The following TNFSF4 variants were observed in gnomAD, a reference collection of about 807,000 sequenced individuals.
TNFSF4 encodes the protein TNF superfamily member 4, also known as tumor necrosis factor ligand superfamily member 4.
A neutral mutation model predicts 7.3 loss-of-function variants in TNFSF4; 4 were observed. That is an observed-to-expected ratio of 0.55 (90% CI 0.27 to 1.25). The LOEUF is 1.25. Ranked by LOEUF, TNFSF4 falls within the 50% of genes most tolerant of loss-of-function variation. The pLI, the probability that TNFSF4 is intolerant of heterozygous loss-of-function variation, is 0.12. For synonymous variants in TNFSF4, 76 were observed against 83.7 expected, an observed-to-expected ratio of 0.91 and a Z score of 0.50; for missense variants, 181 against 208.8, an observed-to-expected ratio of 0.87 and a Z score of 0.82.
At chr1:173,181,568 C>T (rs1285849016), downstream of TNFSF4, among the ~76,000 whole-genome samples, 1 of 152,138 alleles carries the variant, frequency 6.6e-6, no homozygotes, top group Non-Finnish European at 1.5e-5. Flanking sequence ...GAGACCATGG[C>T]ACCAGATTTC....
At chr1:173,371,607 G>C in the TNFSF4 span, among the ~76,000 whole-genome samples, 3 of 152,104 alleles carry the variant, frequency 2.0e-5, no homozygotes, top group Non-Finnish European at 4.4e-5. Flanking sequence ...TCAAGCCTTA[G>C]TAATAAAATG....
chr1:173,368,009 G>A, the TNFSF4 span, among the ~76,000 whole-genome samples: 1 of 152,030 alleles, frequency 6.6e-6, no homozygotes, highest in Non-Finnish European at 1.5e-5. Flanking sequence ...GCTAGCAAAG[G>A]GATTGTAAAA....
At chr1:173,370,475 A>G in the TNFSF4 span, among the ~76,000 whole-genome samples, 8 of 152,230 alleles carry the variant, frequency 5.3e-5, no homozygotes, top group Non-Finnish European at 1.0e-4. Flanking sequence ...AAGAATTAGG[A>G]AAAAGCCCAT....
chr1:173,305,408 C>T, the TNFSF4 span, among the ~76,000 whole-genome samples: 1 of 151,848 alleles, frequency 6.6e-6, no homozygotes, highest in Admixed American at 6.6e-5. Flanking sequence ...AAGAGATGAA[C>T]CTTCAAATGA....
At chr1:173,337,429 G>A in the TNFSF4 span, among the ~76,000 whole-genome samples, 1 of 152,168 alleles carries the variant, frequency 6.6e-6, no homozygotes, top group Non-Finnish European at 1.5e-5. Flanking sequence ...AGGTCCTGAA[G>A]GCACAAGTAT....
the TNFSF4 span, among the ~76,000 whole-genome samples, chr1:173,382,201 G>A: frequency 6.6e-6 from 1 of 152,012 alleles, no homozygotes; most frequent in Non-Finnish European, 1.5e-5. Flanking sequence ...AAACCCACCG[G>A]GAGGAACAAA....
chr1:173,401,331 C>T, the TNFSF4 span, among the ~76,000 whole-genome samples: 4 of 152,078 alleles, frequency 2.6e-5, no homozygotes, highest in African/African-American at 7.2e-5. Flanking sequence ...AAGGGGTGGA[C>T]TTGTGATGGT....
chr1:173,363,429 T>C, the TNFSF4 span: 5 of 349,524 alleles, frequency 1.4e-5, no homozygotes, highest in Non-Finnish European at 2.3e-5. Context: ...CTCCATCCAG[T>C]ACCTTCTTGG....
chr1:173,363,013 T>C, the TNFSF4 span: 1 of 387,074 alleles, frequency 2.6e-6, no homozygotes, highest in Non-Finnish European at 5.1e-6. Flanking sequence ...CGGACTTGCC[T>C]TATCTTCAAT....
intron 1 of TNFSF4, among the ~76,000 whole-genome samples, chr1:173,198,150 G>A (rs1341952242): frequency 6.6e-6 from 1 of 152,164 alleles, no homozygotes; most frequent in East Asian, 1.9e-4. Flanking sequence ...ATAACAAGGA[G>A]GGAATATAGT....
the TNFSF4 span, among the ~76,000 whole-genome samples, chr1:173,234,070 G>C: frequency 6.6e-6 from 1 of 152,174 alleles, no homozygotes; most frequent in Admixed American, 6.5e-5. Context: ...CTAATATCCA[G>C]AATCTACAAA....
chr1:173,264,740 A>T, the TNFSF4 span, among the ~76,000 whole-genome samples: 3 of 152,340 alleles, frequency 2.0e-5, no homozygotes, highest in African/African-American at 7.2e-5. Context: ...AAAGAGAAAG[A>T]CAGAGAGCGG....
chr1:173,245,928 T>C, the TNFSF4 span, among the ~76,000 whole-genome samples: 1 of 152,262 alleles, frequency 6.6e-6, no homozygotes, highest in Non-Finnish European at 1.5e-5. Flanking sequence ...TTATTCATTT[T>C]GTTGCTGAAT....
chr1:173,232,421 C>CGATGGCACGAG, the TNFSF4 span, among the ~76,000 whole-genome samples: 1 of 152,148 alleles, frequency 6.6e-6, no homozygotes, highest in Non-Finnish European at 1.5e-5. Context: ...CAAACAGGGA[C>CGATGGCACGAG]AATTTGACTT....
the TNFSF4 span, among the ~76,000 whole-genome samples, chr1:173,404,207 G>C: frequency 6.6e-6 from 1 of 152,276 alleles, no homozygotes; most frequent in South Asian, 2.1e-4. Context: ...CTTGGAATCT[G>C]TATAACTATG....
At chr1:173,396,901 C>T in the TNFSF4 span, among the ~76,000 whole-genome samples, 3 of 152,320 alleles carry the variant, frequency 2.0e-5, no homozygotes, top group Admixed American at 6.5e-5. Flanking sequence ...TGTGATTGCT[C>T]TTCTCTGTAG....
chr1:173,343,894 A>G, the TNFSF4 span, among the ~76,000 whole-genome samples: 1 of 152,258 alleles, frequency 6.6e-6, no homozygotes, highest in East Asian at 1.9e-4. Context: ...GAAAAGAAGT[A>G]CTGACAATGG....
chr1:173,291,457 G>C, the TNFSF4 span, among the ~76,000 whole-genome samples: 3,496 of 152,120 alleles, frequency 0.023, 132 homozygotes, highest in African/African-American at 0.08. Context: ...CTAATGAAAA[G>C]ACAGACACAA....
the TNFSF4 span, among the ~76,000 whole-genome samples, chr1:173,435,723 A>G: frequency 6.6e-6 from 1 of 152,268 alleles, no homozygotes; most frequent in Non-Finnish European, 1.5e-5. Context: ...TATATTCAAT[A>G]AAAGTTAATC....
Sources: gnomAD v4.1 joint callset for allele counts (sites outside exome capture counted in the v4.1 genomes callset) on GRCh38, gnomAD v4.1.1 for gene constraint, MANE v1.5 for transcripts, NCBI Gene and HGNC (gene_info 2026-07-23, HGNC 2026-07-21) for gene names.